The following DERA variants were observed in gnomAD, a reference collection of about 807,000 sequenced individuals.
The protein encoded by DERA is 2-deoxy-D-ribose 5-phosphate aldolase.
A neutral mutation model predicts 41.1 loss-of-function variants in DERA; 15 were observed. The observed-to-expected ratio is 0.37, with a 90% CI of 0.24 to 0.56. DERA has a LOEUF of 0.56. Ranked by LOEUF, DERA falls within the 20% of genes least tolerant of loss-of-function variation. The pLI is 0.81. For missense variants in DERA, 396 were observed against 403.4 expected, an observed-to-expected ratio of 0.98 and a Z score of 0.16; for synonymous variants, 139 against 137.4, an observed-to-expected ratio of 1.01 and a Z score of -0.08.
At position 16,012,238 on chromosome 12, in the gene DERA, A is replaced by G. The variant is rs560409643; in HGVS notation, c.638-20304A>G. 8.5e-5 allele frequency among the ~76,000 whole-genome samples: 13 copies of G among 152,302 alleles called. No homozygotes were observed. The highest frequency in any genetic ancestry group is 2.9e-4 in the African/African-American group (12 of 41,564). ...AAGTCCTACACAGTCATGAGTTTAT[A>G]AGTGTAGTTTTAGAGTTACTCCTGT... On this transcript the variant is annotated intron_variant, in intron 6 of 8. Coordinates refer to ENST00000428559, the MANE Select transcript of DERA (RefSeq NM_015954.4). The surrounding 1 kb of genome is among the most constrained non-coding windows in gnomAD (Gnocchi z 4.1).
chr12:15,951,910 T>C (rs1412782086), intron 1 of DERA, among the ~76,000 whole-genome samples: 2 of 152,084 alleles, frequency 1.3e-5, no homozygotes, highest in South Asian at 2.1e-4. Flanking sequence ...TTTTTTTTTT[T>C]CTTTTTTTTG....
At position 15,988,914 on chromosome 12, in the gene DERA, G is replaced by A. The variant is rs958855114; in HGVS notation, c.637+6478G>A. Among the ~76,000 whole-genome samples, 1 of 152,226 alleles carries A rather than the reference G, an allele frequency of 6.6e-6. No individual in the cohort carries two copies. Among genetic ancestry groups the A allele is most frequent in the African/African-American group, 2.4e-5 (1 of 41,464 alleles). The stretch of plus-strand genomic sequence containing the variant: ...CCAGAGGGGGCCAAGGCGGTGGGAG[G>A]CTGGCGTGTCAGCGCTGCCCTGAAT... On this transcript the variant is annotated intron_variant, in intron 6 of 8. Coordinates refer to ENST00000428559, the MANE Select transcript of DERA (RefSeq NM_015954.4). The surrounding 1 kb of genome is among the most constrained non-coding windows in gnomAD (Gnocchi z 6.0).
Position 15,966,328 on chromosome 12 carries a change from G to A in DERA, c.508+3381G>A, listed in dbSNP as rs547878576. 3.6e-4 allele frequency among the ~76,000 whole-genome samples: 55 copies of A among 152,248 alleles called. No individual in the cohort carries two copies. Among genetic ancestry groups the A allele is most frequent in the African/African-American group, 1.2e-3 (51 of 41,534 alleles). On this transcript the variant is annotated intron_variant, in intron 5 of 8. Transcript: ENST00000428559. This position sits in a 1 kb window ranked among gnomAD's most constrained non-coding sequence, Gnocchi z 5.1. ...AATATACAAAGATTCGTTGGGCATG[G>A]TGGCACATGCCTGTAATCCCAGCTA...
intron 1 of DERA, among the ~76,000 whole-genome samples, chr12:15,949,343 A>G (rs976996057): frequency 1.2e-4 from 18 of 152,056 alleles, no homozygotes; most frequent in Non-Finnish European, 2.4e-4. Context: ...GTGGTGGGCT[A>G]CACCCAGTTC....
In DERA at chr12:15,913,530, C is replaced by T. The variant is rs1270168228; in HGVS notation, c.31+2116C>T. Among the ~76,000 whole-genome samples, 3 of 152,064 alleles carry T rather than the reference C, an allele frequency of 2.0e-5. No homozygotes were observed. Among genetic ancestry groups the T allele is most frequent in the African/African-American group, 4.8e-5 (2 of 41,404 alleles). On this transcript the variant is annotated intron_variant, in intron 1 of 8. Coordinates refer to ENST00000428559, the MANE Select transcript of DERA (RefSeq NM_015954.4). This position sits in a 1 kb window ranked among gnomAD's most constrained non-coding sequence, Gnocchi z 4.5. ...AAAATAAATTAACATTTTTGCTTCC[C>T]TTTTCTTATTACAAAAGGAATTCAT...
Position 16,020,564 on chromosome 12 carries a change from T to C in DERA, c.638-11978T>C, listed in dbSNP as rs906964059. Among the ~76,000 whole-genome samples the C allele has an allele frequency of 3.3e-5, 5 of 152,120 alleles. No individual in the cohort carries two copies. The highest frequency in any genetic ancestry group is 1.2e-4 in the African/African-American group (5 of 41,412). The stretch of plus-strand genomic sequence containing the variant: ...AGTGGTGTGTTGCTATAAAGATAGC[T>C]GAAAATGTGGGAGCAGCTTTGGAAC... On this transcript the variant is annotated intron_variant, in intron 6 of 8. Coordinates refer to ENST00000428559, the MANE Select transcript of DERA (RefSeq NM_015954.4). This position sits in a 1 kb window ranked among gnomAD's most constrained non-coding sequence, Gnocchi z 5.5.
rs1172560759 is a variant in DERA, at chr12:16,003,612, G to A, written c.637+21176G>A. ...ATGCCAACTAAAAACAACTGCTGGG[G>A]GCAGTGGAGAGGGAAGTAGACTGCA... On this transcript the variant is annotated intron_variant, in intron 6 of 8. Transcript: ENST00000428559. This position sits in a 1 kb window ranked among gnomAD's most constrained non-coding sequence, Gnocchi z 4.8. 6.6e-6 allele frequency among the ~76,000 whole-genome samples: 1 copy of A among 152,168 alleles called. No individual in the cohort carries two copies. The highest frequency in any genetic ancestry group is 2.4e-5 in the African/African-American group (1 of 41,424).
Position 16,025,925 on chromosome 12 carries a change from A to T in DERA, c.638-6617A>T, listed in dbSNP as rs568539044. Among the ~76,000 whole-genome samples, 5 of 152,246 alleles carry T rather than the reference A, an allele frequency of 3.3e-5. No homozygotes were observed. The South Asian group carries it at 6.2e-4, about 19-fold the overall frequency. ...GCTGAAAGATCCCCAAATGTTTGGA[A>T]ATTAAACAACACACTCCTAAATAAC... On this transcript the variant is annotated intron_variant, in intron 6 of 8. Coordinates refer to ENST00000428559, the MANE Select transcript of DERA (RefSeq NM_015954.4).
Position 15,918,457 on chromosome 12 carries a change from C to T in DERA, c.31+7043C>T, listed in dbSNP as rs73303357. ...CCATAGTGGTGCCCCCATTTCAACC[C>T]GGCTTGAATGACTACGTTGTTCACC... On this transcript the variant is annotated intron_variant, in intron 1 of 8. Coordinates refer to ENST00000428559, the MANE Select transcript of DERA (RefSeq NM_015954.4). The surrounding 1 kb of genome is among the most constrained non-coding windows in gnomAD (Gnocchi z 4.3). 0.014 allele frequency among the ~76,000 whole-genome samples: 2,135 copies of T among 152,306 alleles called. 49 individuals are homozygous for T. The highest frequency in any genetic ancestry group is 0.048 in the African/African-American group (1,976 of 41,556).
intron 7 of DERA, among the ~76,000 whole-genome samples, chr12:16,034,781 G>GT (rs968567401): frequency 6.6e-6 from 1 of 151,770 alleles, no homozygotes; most frequent in Non-Finnish European, 1.5e-5. Flanking sequence ...ATAAACTTAT[G>GT]TTAGAACCTC....
intron 4 of DERA, among the ~76,000 whole-genome samples, chr12:15,960,706 A>T (rs2136148970): frequency 1.3e-5 from 2 of 150,416 alleles, no homozygotes; most frequent in South Asian, 4.2e-4. Flanking sequence ...CTGAGCAGGG[A>T]ATGATATATT....
rs1423021378 is a variant in DERA at position 15,962,605 on chromosome 12, T to A, written c.374-208T>A. The A allele has an allele frequency of 4.7e-5, 22 of 469,738 alleles. No individual in the cohort carries two copies. In the East Asian group the frequency reaches 6.9e-4, roughly 15 times the overall value. The allele number at this position is 469,738 out of a possible 1,614,324, so 29.1% of individuals were successfully genotyped here. A position where few individuals can be genotyped will look rare whatever the true frequency, so the allele number is the denominator to read the frequency against. ...AATGATATTTGTCCTAACACTAATA[T>A]GAGAGAACATTCAATTTCTTCACAC... is the stretch of plus-strand genomic sequence containing the variant. On this transcript the variant is annotated intron_variant, in intron 4 of 8. Coordinates refer to ENST00000428559, the MANE Select transcript of DERA (RefSeq NM_015954.4).
At position 15,936,421 on chromosome 12, in the gene DERA, A is replaced by C. The variant is rs900258687; in HGVS notation, c.32-20515A>C. On this transcript the variant is annotated intron_variant, in intron 1 of 8. Coordinates refer to ENST00000428559, the MANE Select transcript of DERA (RefSeq NM_015954.4). The surrounding 1 kb of genome is among the most constrained non-coding windows in gnomAD (Gnocchi z 4.6). ...TGGCAGTTTTTTCTGCAATATCTTAAAATTATAGACATTTTGGAAAACATT... is the reference window on the plus strand; with the variant it reads ...TGGCAGTTTTTTCTGCAATATCTTACAATTATAGACATTTTGGAAAACATT... Among the ~76,000 whole-genome samples, 5 of 152,240 alleles carry C rather than the reference A, an allele frequency of 3.3e-5. No homozygotes were observed. Among genetic ancestry groups the C allele is most frequent in the Admixed American group, 1.3e-4 (2 of 15,284 alleles).
In DERA at chr12:16,019,999, C is replaced by A; in HGVS notation, c.638-12543C>A. The stretch of plus-strand genomic sequence containing the variant: ...TCTGGTTTTTTAAAAGAGCATGGCA[C>A]CTCCCCGCATCTCACTCCCACTCTC... On this transcript the variant is annotated intron_variant, in intron 6 of 8. Transcript: ENST00000428559. The surrounding 1 kb of genome is among the most constrained non-coding windows in gnomAD (Gnocchi z 4.4). Among the ~76,000 whole-genome samples, 1 of 152,076 alleles carries A rather than the reference C, an allele frequency of 6.6e-6. No individual in the cohort carries two copies. The highest frequency in any genetic ancestry group is 1.5e-5 in the Non-Finnish European group (1 of 68,014).
At position 15,941,783 on chromosome 12, in the gene DERA, T is replaced by C. The variant is rs1046737719; in HGVS notation, c.32-15153T>C. On this transcript the variant is annotated intron_variant, in intron 1 of 8. Transcript: ENST00000428559. The surrounding 1 kb of genome is among the most constrained non-coding windows in gnomAD (Gnocchi z 4.5). The stretch of plus-strand genomic sequence containing the variant: ...TATCCACTTATTGATTCATGGGCAC[T>C]TAGGTTGATTCCGTATCTTTGCATT... 6.6e-6 allele frequency among the ~76,000 whole-genome samples: 1 copy of C among 152,252 alleles called. No individual in the cohort carries two copies. Among genetic ancestry groups the C allele is most frequent in the Non-Finnish European group, 1.5e-5 (1 of 68,040 alleles).
At position 16,009,081 on chromosome 12, in the gene DERA, T is replaced by G. The variant is rs1948931412; in HGVS notation, c.638-23461T>G. ...TTAATTGGTAACAGGAGTATCTGCT[T>G]TTTAAGGTATTGTGAAGATCAAATT... On this transcript the variant is annotated intron_variant, in intron 6 of 8. Coordinates refer to ENST00000428559, the MANE Select transcript of DERA (RefSeq NM_015954.4). The surrounding 1 kb of genome is among the most constrained non-coding windows in gnomAD (Gnocchi z 5.3). Among the ~76,000 whole-genome samples, 1 of 152,204 alleles carries G rather than the reference T, an allele frequency of 6.6e-6. No individual in the cohort carries two copies. The highest frequency in any genetic ancestry group is 1.5e-5 in the Non-Finnish European group (1 of 68,038).
rs1011114126 is a variant in DERA at position 15,918,054 on chromosome 12, A to C, written c.31+6640A>C. ...CACTAATACCACCAGTTCTGGTCCA[A>C]CACCACAGGATTTATCCCAGTGTTC... On this transcript the variant is annotated intron_variant, in intron 1 of 8. Transcript: ENST00000428559. The surrounding 1 kb of genome is among the most constrained non-coding windows in gnomAD (Gnocchi z 4.3). Among the ~76,000 whole-genome samples the C allele has an allele frequency of 6.6e-6, 1 of 152,202 alleles. No individual in the cohort carries two copies. The highest frequency in any genetic ancestry group is 1.9e-4 in the East Asian group (1 of 5,196).
chr12:16,025,734 C>G (rs900409057), intron 6 of DERA, among the ~76,000 whole-genome samples: 1 of 152,012 alleles, frequency 6.6e-6, no homozygotes, highest in Non-Finnish European at 1.5e-5. Context: ...AAACTTCATC[C>G]AACAACAGCA....
chr12:15,963,007 G>T, intron 5 of DERA, 60 bp downstream of exon 5: 1 of 1,556,476 alleles, frequency 6.4e-7, no homozygotes, highest in Non-Finnish European at 8.7e-7. Context: ...ATCAGATGAT[G>T]AGGTAAGATG....
Sources: allele counts gnomAD v4.1 joint callset (sites outside exome capture counted in the v4.1 genomes callset), GRCh38; gene constraint gnomAD v4.1.1; non-coding constraint Gnocchi (gnomAD v3.1); transcripts MANE v1.5; gene names NCBI Gene and HGNC (gene_info 2026-07-23, HGNC 2026-07-21).